Variants in GIT1 observed in about 807,000 individuals in gnomAD.
The protein encoded by GIT1 is ARF GTPase-activating protein GIT1.
In GIT1, 14 loss-of-function variants were observed where a neutral mutation model predicts 91.7. That is an observed-to-expected ratio of 0.15 (90% CI 0.10 to 0.24). GIT1 has a LOEUF of 0.24. GIT1 is among the 10% of genes least tolerant of loss of function. GIT1 has a pLI of 1.00. For synonymous variants in GIT1, 414 were observed against 418.2 expected, an observed-to-expected ratio of 0.99 and a Z score of 0.12; for missense variants, 717 against 1,024.9, an observed-to-expected ratio of 0.70 and a Z score of 4.10.
intron 1 of GIT1, among the ~76,000 whole-genome samples, chr17:29,587,945 C>T (rs533357033): frequency 2.6e-5 from 4 of 152,290 alleles, no homozygotes; most frequent in Non-Finnish European, 4.4e-5. Context: ...GCTCGGGGAA[C>T]GGAGTCACAG....
intron 12 of GIT1, 32 bp downstream of exon 12, chr17:29,576,831 C>T (rs1321963794): frequency 6.3e-7 from 1 of 1,578,674 alleles, no homozygotes; most frequent in Non-Finnish European, 8.6e-7. Context: ...GGTCAGGGCA[C>T]AGGGGAGTGG....
At chr17:29,576,821 G>C in intron 12 of GIT1, 42 bp downstream of exon 12, 1 of 1,577,294 alleles carries the variant, frequency 6.3e-7, no homozygotes, top group Non-Finnish European at 8.6e-7. Context: ...CGAAGGCCTG[G>C]GTCAGGGCAC....
At chr17:29,577,501 T>C (rs754815695) in intron 10 of GIT1, 144 bp downstream of exon 10, 17 of 709,332 alleles carry the variant, frequency 2.4e-5, no homozygotes, top group Non-Finnish European at 4.3e-5. Flanking sequence ...CCTCCTGACC[T>C]TCCCAAATCC....
At chr17:29,585,047 T>C (rs1326942347) in intron 1 of GIT1, among the ~76,000 whole-genome samples, 1 of 122,990 alleles carries the variant, frequency 8.1e-6, no homozygotes, top group Non-Finnish European at 1.6e-5. Context: ...AGGGACCCCC[T>C]CCCAATCAGG....
In GIT1 at chr17:29,574,859, T is replaced by C. The variant is rs375882746; in HGVS notation, c.2129A>G (p.Tyr710Cys). The C allele has an allele frequency of 7.5e-6, 12 of 1,596,850 alleles. No homozygotes were observed. In the East Asian group the frequency reaches 2.0e-4, roughly 27 times the overall value. Residue 710 changes from tyrosine (Y) to cysteine (C), a missense_variant, in exon 20 of 20, where the codon TAC becomes TGC. Tyr to Cys is a radical substitution (Grantham distance 194). Coordinates refer to ENST00000225394, the MANE Select transcript of GIT1 (RefSeq NM_014030.4). ...CTTCCGGCACTCACTCTGCAGCCGG[T>C]AGGCGCTGGCGTTGAGCAGCCGCAG... The part of the protein sequence containing the change: ...SSLRLLNASA[Y>C]RLQSECRKTV...
Position 29,574,388 on chromosome 17 carries a change from T to G in GIT1, c.*314A>C. 1 of 388,710 alleles carries G rather than the reference T, an allele frequency of 2.6e-6. No individual in the cohort carries two copies. Among genetic ancestry groups the G allele is most frequent in the Non-Finnish European group, 4.8e-6 (1 of 207,556 alleles). 24.1% of individuals were successfully genotyped at this position (388,710 alleles called of 1,614,324 possible). ...ACTTGGAGTGTCCCCACCTGCCCCT[T>G]TGCTGAGGGTGCCCTAGAAGGCGAG... On this transcript the variant is annotated 3_prime_UTR_variant, in exon 20 of 20. Transcript: ENST00000225394.
intron 10 of GIT1, 83 bp from the exon 11 acceptor site, chr17:29,577,330 G>A (rs1598567622): frequency 1.9e-6 from 2 of 1,042,946 alleles, no homozygotes; most frequent in East Asian, 4.8e-5. Flanking sequence ...AGCAAGGCAT[G>A]GCTCTGCCAT....
chr17:29,589,062 G>A lies in GIT1; in HGVS notation c.52+265C>T, dbSNP rs2033707406. ...GAGGTGGAGGAGCAGCCAGCTGCCC[G>A]CCTCCCTCAGACCGAGGAGCGGGAG... On this transcript the variant is annotated intron_variant, in intron 1 of 19. Coordinates refer to ENST00000225394, the MANE Select transcript of GIT1 (RefSeq NM_014030.4). The surrounding 1 kb of genome is among the most constrained non-coding windows in gnomAD (Gnocchi z 5.2). Among the ~76,000 whole-genome samples, 1 of 152,150 alleles carries A rather than the reference G, an allele frequency of 6.6e-6. No homozygotes were observed. The highest frequency in any genetic ancestry group is 2.4e-5 in the African/African-American group (1 of 41,438).
Position 29,574,454 on chromosome 17 carries a change from G to C in GIT1, c.*248C>G, listed in dbSNP as rs1808572491. On this transcript the variant is annotated 3_prime_UTR_variant, in exon 20 of 20. Transcript: ENST00000225394. Reference sequence around the variant, plus strand: ...CCTTGCAGGCCCCTGCTCACTAGGAGGGGGGAGATGCTATATACAGAGGGG... The same window carrying C: ...CCTTGCAGGCCCCTGCTCACTAGGACGGGGGAGATGCTATATACAGAGGGG... 6 of 549,884 alleles carry C rather than the reference G, an allele frequency of 1.1e-5. No homozygotes were observed. In the South Asian group the frequency reaches 1.3e-4, roughly 12 times the overall value. 34.1% of individuals were successfully genotyped at this position (549,884 alleles called of 1,614,324 possible). A position where few individuals can be genotyped will look rare whatever the true frequency, so the allele number is the denominator to read the frequency against.
rs780557558 is a variant in GIT1 at position 29,575,428 on chromosome 17, G to C, written c.1869C>G (p.Asp623Glu). 1 of 1,612,732 alleles carries C rather than the reference G, an allele frequency of 6.2e-7. No individual in the cohort carries two copies. Among genetic ancestry groups the C allele is most frequent in the Non-Finnish European group, 8.5e-7 (1 of 1,179,404 alleles). Reference sequence around the variant, plus strand: ...CCAGGCTTTCCAGCTCTGGGTGGAAGTCTTCCTCTTTGCCCAGCTCTAGAA... The same window carrying C: ...CCAGGCTTTCCAGCTCTGGGTGGAACTCTTCCTCTTTGCCCAGCTCTAGAA... ...KRFLELGKEE[D>E]FHPELESLDG... Residue 623 changes from aspartate (D) to glutamate (E), a missense_variant, in exon 18 of 20, where the codon GAC becomes GAG. Around this residue, in one of 3 missense-constraint regions of GIT1, gnomAD observed 134 missense variants for 223.8 expected, o/e 0.60. Transcript: ENST00000225394. This position sits in a 1 kb window ranked among gnomAD's most constrained non-coding sequence, Gnocchi z 5.5.
rs755504231 is a variant in GIT1 at position 29,577,006 on chromosome 17, C to T, written c.1094-10G>A. On this transcript the variant is annotated splice_polypyrimidine_tract_variant and intron_variant, in intron 11 of 19. Transcript: ENST00000225394. ...GACAGCTCGAGGTTGTCTGAGGACA[C>T]AGGAGTGTCACTCAGGCCACACTCC... 3.1e-6 allele frequency: 5 copies of T among 1,604,128 alleles called. No individual in the cohort carries two copies. Among genetic ancestry groups the T allele is most frequent in the East Asian group, 2.2e-5 (1 of 44,866 alleles).
intron 1 of GIT1, among the ~76,000 whole-genome samples, chr17:29,587,630 C>T (rs1049631669): frequency 1.2e-4 from 18 of 152,172 alleles, no homozygotes; most frequent in African/African-American, 4.3e-4. Flanking sequence ...TGCCCTTCAC[C>T]CCTCCACCCC....
At chr17:29,580,663 A>T (rs1040689382) in intron 7 of GIT1, among the ~76,000 whole-genome samples, 13 of 151,996 alleles carry the variant, frequency 8.6e-5, no homozygotes, top group African/African-American at 2.7e-4. Context: ...CCTGAAGCCC[A>T]CCCATCTTTT....
Position 29,576,382 on chromosome 17 carries a change from G to T in GIT1, c.1449C>A (p.Leu483=), listed in dbSNP as rs751048367. 4 of 1,613,398 alleles carry T rather than the reference G, an allele frequency of 2.5e-6. No homozygotes were observed. In the African/African-American group the frequency reaches 4.0e-5, roughly 16 times the overall value. ...QPPGPVPTPP[L]PSERAEHTPM... is the part of the protein sequence containing the mutation. ...GTGTGTGTTCCGCCCGTTCACTGGG[G>T]AGTGGAGGTGTGGGCACCGGCCCTG... Residue 483 remains leucine, a synonymous_variant, in exon 14 of 20, where the codon CTC becomes CTA. Transcript: ENST00000225394.
intron 7 of GIT1, among the ~76,000 whole-genome samples, chr17:29,580,776 CTTTT>C (rs113414459): frequency 7.0e-6 from 1 of 142,590 alleles, no homozygotes; most frequent in Admixed American, 7.0e-5. Flanking sequence ...GTTTCTTTTT[CTTTT>C]TTTTTTTTTT....
Position 29,576,815 on chromosome 17 carries a change from G to A in GIT1, c.1227+48C>T, listed in dbSNP as rs1218602349. 6 of 1,576,660 alleles carry A rather than the reference G, an allele frequency of 3.8e-6. No individual in the cohort carries two copies. The Admixed American group carries it at 1.1e-4, about 29-fold the overall frequency. ...GAGGACAGAGCTGGGCCTCAGCGAAGGCCTGGGTCAGGGCACAGGGGAGTG... is the reference window on the plus strand; with the variant it reads ...GAGGACAGAGCTGGGCCTCAGCGAAAGCCTGGGTCAGGGCACAGGGGAGTG... On this transcript the variant is annotated intron_variant, in intron 12 of 19. Coordinates refer to ENST00000225394, the MANE Select transcript of GIT1 (RefSeq NM_014030.4).
intron 1 of GIT1, among the ~76,000 whole-genome samples, chr17:29,586,089 A>G (rs1333988255): frequency 6.6e-6 from 1 of 152,178 alleles, no homozygotes; most frequent in Non-Finnish European, 1.5e-5. Flanking sequence ...CACATCATGA[A>G]GGCAGGCGAG....
intron 1 of GIT1, among the ~76,000 whole-genome samples, chr17:29,585,151 G>A (rs1387625013): frequency 6.6e-6 from 1 of 151,920 alleles, no homozygotes; most frequent in Non-Finnish European, 1.5e-5. Context: ...TCGCCAAGAG[G>A]GGGAGCCCTA....
chr17:29,583,958 T>C, intron 1 of GIT1: 1 of 310,312 alleles, frequency 3.2e-6, no homozygotes, highest in East Asian at 5.8e-5. Flanking sequence ...CCCCAGCCCG[T>C]CCCGAAGGGA....
Sources: allele counts gnomAD v4.1 joint callset (sites outside exome capture counted in the v4.1 genomes callset), GRCh38; gene constraint gnomAD v4.1.1; regional missense constraint gnomAD v4.1.1; non-coding constraint Gnocchi (gnomAD v3.1); transcripts MANE v1.5; gene names NCBI Gene and HGNC (gene_info 2026-07-23, HGNC 2026-07-21).